Variants in TRPM3 observed in about 807,000 individuals in gnomAD.
TRPM3 encodes the protein long transient receptor potential channel 3.
In TRPM3, 77 loss-of-function variants were observed where a neutral mutation model predicts 181.2. The observed-to-expected ratio is 0.42, with a 90% CI of 0.35 to 0.51. The LOEUF is 0.51. Ranked by LOEUF, TRPM3 falls within the 20% of genes least tolerant of loss-of-function variation. The probability of loss-of-function intolerance (pLI) is 0.01; values close to 1 mark genes in which losing one functional copy is unlikely to be tolerated. For synonymous variants in TRPM3, 745 were observed against 796.4 expected (o/e 0.94, Z 1.09); for missense variants, 1,759 against 2,196.7 (o/e 0.80, Z 3.98).
intron 9 of TRPM3, among the ~76,000 whole-genome samples, chr9:70,649,944 C>T (rs1002474664): frequency 2.0e-5 from 3 of 152,084 alleles, no homozygotes; most frequent in Non-Finnish European, 4.4e-5. Context: ...AAAGAAAATA[C>T]GGTATATATA....
intron 25 of TRPM3, among the ~76,000 whole-genome samples, chr9:70,546,484 T>C (rs2044925561): frequency 6.6e-6 from 1 of 152,142 alleles, no homozygotes; most frequent in Non-Finnish European, 1.5e-5. Context: ...TCAATGAGGC[T>C]GCATGTTTCC....
intron 1 of TRPM3, among the ~76,000 whole-genome samples, chr9:71,027,945 C>T (rs2056788021): frequency 6.6e-6 from 1 of 152,118 alleles, no homozygotes; most frequent in South Asian, 2.1e-4. Flanking sequence ...GGCCAACATT[C>T]AAATTCAGGA....
chr9:71,289,727 G>A (rs140159363), intron 1 of TRPM3, among the ~76,000 whole-genome samples: 2,774 of 151,740 alleles, frequency 0.018, 43 homozygotes, highest in Non-Finnish European at 0.026. Context: ...AATTAGCCAG[G>A]CCTGGTGGCT....
chr9:70,863,566 C>T (rs529593044), intron 2 of TRPM3, among the ~76,000 whole-genome samples: 2 of 152,100 alleles, frequency 1.3e-5, no homozygotes, highest in Non-Finnish European at 2.9e-5. Context: ...CTGAACTTGT[C>T]TCTTCCCAAT....
At chr9:71,037,040 C>T (rs548220497) in intron 1 of TRPM3, among the ~76,000 whole-genome samples, 1 of 152,138 alleles carries the variant, frequency 6.6e-6, no homozygotes, top group African/African-American at 2.4e-5. Context: ...AGCTTATGAC[C>T]AAGAACAGTG....
chr9:71,233,043 G>C (rs546719921), intron 1 of TRPM3, among the ~76,000 whole-genome samples: 1 of 152,178 alleles, frequency 6.6e-6, no homozygotes, highest in South Asian at 2.1e-4. Context: ...TTCTGCTAGG[G>C]TTTGACATCT....
rs1459414109 is a variant in TRPM3 at position 71,147,100 on chromosome 9, G to A, written c.184-282589C>T. ...CTTGTCCAAAAGCAGTAACACCAAC[G>A]TGGTTGTCCCAGCCTAGGAGCCAAG... On this transcript the variant is annotated intron_variant, in intron 1 of 24. Coordinates refer to the TRPM3 transcript ENST00000357533. 3.9e-5 allele frequency among the ~76,000 whole-genome samples: 6 copies of A among 152,146 alleles called. 1 individual carries two copies.
chr9:70,655,467 C>G lies in TRPM3; in HGVS notation c.1346-14807G>C, dbSNP rs557893412. 4.7e-4 allele frequency among the ~76,000 whole-genome samples: 71 copies of G among 151,992 alleles called. No homozygotes were observed. In the East Asian group the frequency reaches 0.011, roughly 24 times the overall value. The stretch of plus-strand genomic sequence containing the variant: ...TTCTTTTCAGCCTGCTTTAAATCTG[C>G]TATTATTTTTCTATTAAGGTAAAAA... On this transcript the variant is annotated intron_variant, in intron 9 of 25. Coordinates refer to ENST00000677713, the MANE Select transcript of TRPM3 (RefSeq NM_001366145.2).
At chr9:71,078,929 G>C (rs1489157244) in intron 1 of TRPM3, among the ~76,000 whole-genome samples, 2 of 152,192 alleles carry the variant, frequency 1.3e-5, no homozygotes, top group African/African-American at 4.8e-5. Context: ...GCTAGTGCCA[G>C]TGGTCACAGC....
chr9:71,384,182 G>T lies in TRPM3; in HGVS notation c.183+62471C>A, dbSNP rs1459484149. On this transcript the variant is annotated intron_variant, in intron 1 of 24. Transcript: ENST00000357533. The stretch of plus-strand genomic sequence containing the variant: ...AGTTGTTTTCATATTTAGGGGCACT[G>T]CTCCTGGAGATAAATGTTGAAATGT... Among the ~76,000 whole-genome samples the T allele has an allele frequency of 2.0e-5, 3 of 152,262 alleles. No homozygotes were observed. In the South Asian group the frequency reaches 6.2e-4, roughly 32 times the overall value.
chr9:70,645,753 A>G (rs1018555012), intron 9 of TRPM3, among the ~76,000 whole-genome samples: 2 of 148,360 alleles, frequency 1.3e-5, no homozygotes, highest in Non-Finnish European at 3.0e-5. Flanking sequence ...AAAAAAAAAA[A>G]ATAAAAAAAA....
chr9:71,079,791 C>T (rs561736056), intron 1 of TRPM3, among the ~76,000 whole-genome samples: 167 of 152,220 alleles, frequency 1.1e-3, no homozygotes, highest in African/African-American at 3.7e-3. Flanking sequence ...AGAAAGGCTC[C>T]TATATCCTGA....
chr9:70,610,842 T>C (rs1292685976), intron 18 of TRPM3, 93 bp from the exon 19 acceptor site: 9 of 1,491,446 alleles, frequency 6.0e-6, no homozygotes, highest in African/African-American at 1.4e-5. Context: ...AGGATGCTCA[T>C]AGAACCTAAG....
chr9:71,163,724 G>A (rs1018405980), intron 1 of TRPM3, among the ~76,000 whole-genome samples: 1 of 152,086 alleles, frequency 6.6e-6, no homozygotes, highest in African/African-American at 2.4e-5. Flanking sequence ...ATCAAAGACT[G>A]AGTCCTGGAG....
intron 1 of TRPM3, among the ~76,000 whole-genome samples, chr9:71,339,425 T>C (rs1028096913): frequency 2.0e-5 from 3 of 152,136 alleles, no homozygotes; most frequent in Non-Finnish European, 2.9e-5. Flanking sequence ...GATATTTACA[T>C]ATGCTACAAA....
At chr9:70,760,389 A>G (rs2077892690) in intron 8 of TRPM3, among the ~76,000 whole-genome samples, 1 of 148,640 alleles carries the variant, frequency 6.7e-6, no homozygotes, top group African/African-American at 2.5e-5. Context: ...TCGAGCTGCA[A>G]CACCATGAGC....
chr9:70,960,476 G>C (rs1357058027), intron 1 of TRPM3, among the ~76,000 whole-genome samples: 1 of 152,126 alleles, frequency 6.6e-6, no homozygotes, highest in African/African-American at 2.4e-5. Context: ...GGACACCTGG[G>C]AGATTGTTTG....
intron 1 of TRPM3, among the ~76,000 whole-genome samples, chr9:71,057,884 T>C (rs1377948181): frequency 6.6e-6 from 1 of 152,098 alleles, no homozygotes; most frequent in East Asian, 1.9e-4. Context: ...GGCAGTTACA[T>C]GTCTGATGCA....
intron 6 of TRPM3, among the ~76,000 whole-genome samples, chr9:70,803,044 AAAAAAAAAAAAAAAAC>A (rs1364032263): frequency 4.4e-5 from 6 of 136,856 alleles, no homozygotes; most frequent in Admixed American, 6.9e-5. Context: ...AAAAAAAAAA[AAAAAAAAAAAAAAAAC>A]AAAGGCCCAA....
Sources: allele counts gnomAD v4.1 joint callset (sites outside exome capture counted in the v4.1 genomes callset), GRCh38; gene constraint gnomAD v4.1.1; transcripts MANE v1.5; gene names NCBI Gene and HGNC (gene_info 2026-07-23, HGNC 2026-07-21).